ROBO2: variants seen among roughly 807,000 people sequenced by gnomAD.
The protein encoded by ROBO2 is roundabout homolog 2.
Under a neutral mutation model 160.8 loss-of-function variants are expected in ROBO2, and 53 were observed. The ratio of observed to expected loss-of-function variants is 0.33; its 90% CI spans 0.26 to 0.41. The LOEUF (loss-of-function observed/expected upper bound fraction) is 0.41, where lower values mean the gene tolerates loss of function less well. ROBO2 is among the 10% of genes least tolerant of loss of function. The pLI, the probability that ROBO2 is intolerant of heterozygous loss-of-function variation, is 1.00. For synonymous variants in ROBO2, 664 were observed against 611.7 expected, an observed-to-expected ratio of 1.09 and a Z score of -1.26; for missense variants, 1,577 against 1,722.4, an observed-to-expected ratio of 0.92 and a Z score of 1.49.
chr3:76,439,552 A>T (rs1323573516), intron 2 of ROBO2, among the ~76,000 whole-genome samples: 1 of 152,168 alleles, frequency 6.6e-6, no homozygotes, highest in Non-Finnish European at 1.5e-5. Flanking sequence ...CCAGGCAGAG[A>T]AGCATGTTCA....
chr3:76,954,638 C>T (rs1048712359), intron 2 of ROBO2, among the ~76,000 whole-genome samples: 1 of 152,082 alleles, frequency 6.6e-6, no homozygotes, highest in African/African-American at 2.4e-5. Flanking sequence ...CTTATAACAA[C>T]ATTGTATGAA....
intron 2 of ROBO2, among the ~76,000 whole-genome samples, chr3:76,143,273 G>A (rs577649513): frequency 5.9e-5 from 9 of 152,044 alleles, no homozygotes; most frequent in East Asian, 3.9e-4. Flanking sequence ...TCAAGGAGTC[G>A]TCTCTCCTCT....
chr3:76,005,333 T>C, intron 2 of ROBO2, among the ~76,000 whole-genome samples: 1 of 152,212 alleles, frequency 6.6e-6, no homozygotes. Context: ...AAGGACTGGA[T>C]CAGAACTTTG....
chr3:76,066,751 T>C (rs1163844616), intron 2 of ROBO2, among the ~76,000 whole-genome samples: 1 of 151,904 alleles, frequency 6.6e-6, no homozygotes, highest in African/African-American at 2.4e-5. Flanking sequence ...TGTTACTTTA[T>C]AGTAAGTTCT....
chr3:77,479,197 C>T (rs1443331325), intron 3 of ROBO2, among the ~76,000 whole-genome samples: 1 of 152,190 alleles, frequency 6.6e-6, no homozygotes, highest in South Asian at 2.1e-4. Flanking sequence ...AGGGGCAGAA[C>T]TGCACTGCAA....
intron 5 of ROBO2, among the ~76,000 whole-genome samples, chr3:77,497,441 A>G (rs1272446811): frequency 6.6e-6 from 1 of 152,160 alleles, no homozygotes; most frequent in Non-Finnish European, 1.5e-5. Flanking sequence ...GTGAGTGCCT[A>G]CTACATTTGT....
intron 2 of ROBO2, chr3:76,434,965 T>C (rs1269726845): frequency 1.3e-6 from 2 of 1,595,410 alleles, no homozygotes; most frequent in Admixed American, 1.7e-5. Flanking sequence ...CCAGCTGTAC[T>C]TGAACTGGAG....
At chr3:77,084,936 G>C (rs2069112156) in intron 1 of ROBO2, among the ~76,000 whole-genome samples, 1 of 152,064 alleles carries the variant, frequency 6.6e-6, no homozygotes, top group Admixed American at 6.6e-5. Context: ...TATTTGTGTT[G>C]CAGCAGTGAT....
At chr3:76,618,855 A>G (rs1000869871) in intron 2 of ROBO2, among the ~76,000 whole-genome samples, 5 of 151,756 alleles carry the variant, frequency 3.3e-5, no homozygotes, top group Non-Finnish European at 7.3e-5. Context: ...ATGTCACTAT[A>G]TTATTTGAAT....
intron 2 of ROBO2, among the ~76,000 whole-genome samples, chr3:76,643,125 A>G (rs2090785413): frequency 6.6e-6 from 1 of 152,160 alleles, no homozygotes; most frequent in African/African-American, 2.4e-5. Flanking sequence ...AAAACTGGTA[A>G]TTCTTTTCAG....
intron 2 of ROBO2, among the ~76,000 whole-genome samples, chr3:76,051,820 T>C (rs1390943500): frequency 2.0e-5 from 3 of 150,818 alleles, no homozygotes; most frequent in African/African-American, 7.3e-5. Flanking sequence ...GTAAGATAAA[T>C]TATATACCTC....
chr3:76,396,252 G>A (rs1249676514), intron 2 of ROBO2, among the ~76,000 whole-genome samples: 1 of 151,954 alleles, frequency 6.6e-6, no homozygotes, highest in Admixed American at 6.6e-5. Flanking sequence ...TGAAGAAAAG[G>A]CCTCTCACAA....
intron 2 of ROBO2, among the ~76,000 whole-genome samples, chr3:76,857,047 G>A (rs371552231): frequency 4.9e-4 from 74 of 152,218 alleles, no homozygotes; most frequent in African/African-American, 1.7e-3. Flanking sequence ...GTGCAGTGGT[G>A]TGATCTCGGC....
intron 2 of ROBO2, among the ~76,000 whole-genome samples, chr3:76,125,553 G>T (rs929337751): frequency 3.3e-5 from 5 of 151,990 alleles, no homozygotes; most frequent in Admixed American, 1.3e-4. Flanking sequence ...CTGGTCTGCG[G>T]TGTTATCTCA....
rs530526438 is a variant in ROBO2, at chr3:76,420,215, A to G, written c.109+482613A>G. 1.1e-3 allele frequency among the ~76,000 whole-genome samples: 169 copies of G among 152,224 alleles called. 2 individuals carry two copies. Among genetic ancestry groups the G allele is most frequent in the Admixed American group, 2.1e-3 (32 of 15,294 alleles). ...ATTTTTGTAGAGATGTGGTCTCCCT[A>G]TCTTTCCTAGGCTGATCTTGAACTC... On this transcript the variant is annotated intron_variant, in intron 2 of 26. Transcript: ENST00000487694.
rs115363298 is a variant in ROBO2, at chr3:76,550,821, G to T, written c.110-547193G>T. On this transcript the variant is annotated intron_variant, in intron 2 of 26. Coordinates refer to the ROBO2 transcript ENST00000487694. ...GGCACTGACATGCCAGCTCCCTGCT[G>T]CCTCAGCCTTCTTCAGACTTTGGTC... is the stretch of plus-strand genomic sequence containing the variant. 3.8e-3 allele frequency among the ~76,000 whole-genome samples: 583 copies of T among 152,346 alleles called. 7 individuals are homozygous for T. The highest frequency in any genetic ancestry group is 0.013 in the African/African-American group (561 of 41,588).
intron 2 of ROBO2, among the ~76,000 whole-genome samples, chr3:76,083,270 A>C (rs540970863): frequency 9.2e-5 from 14 of 152,124 alleles, no homozygotes; most frequent in Non-Finnish European, 1.8e-4. Flanking sequence ...ACAAGTATAA[A>C]AGTCATATGA....
At chr3:77,123,224 G>A (rs983288368) in intron 2 of ROBO2, among the ~76,000 whole-genome samples, 1 of 152,066 alleles carries the variant, frequency 6.6e-6, no homozygotes, top group Non-Finnish European at 1.5e-5. Context: ...TTGATTTTTA[G>A]TTCTATGCCA....
At chr3:77,023,575 T>C (rs1406540297) in intron 2 of ROBO2, among the ~76,000 whole-genome samples, 1 of 152,242 alleles carries the variant, frequency 6.6e-6, no homozygotes, top group East Asian at 1.9e-4. Flanking sequence ...AAAATAATTT[T>C]AATAACTTTT....
Sources: gnomAD v4.1 joint callset for allele counts (sites outside exome capture counted in the v4.1 genomes callset) on GRCh38, gnomAD v4.1.1 for gene constraint, MANE v1.5 for transcripts, NCBI Gene and HGNC (gene_info 2026-07-23, HGNC 2026-07-21) for gene names.